The following PCDHGB1 variants were observed in gnomAD, a reference collection of about 807,000 sequenced individuals.
PCDHGB1 encodes protocadherin gamma-B1.
Under a neutral mutation model 56.6 loss-of-function variants are expected in PCDHGB1, and 34 were observed. That is an observed-to-expected ratio of 0.60 (90% CI 0.46 to 0.80). PCDHGB1 has a LOEUF of 0.80. Among genes scored for constraint, PCDHGB1 ranks in the 30% least tolerant of loss-of-function variants. PCDHGB1 has a pLI of 0.00. For missense variants in PCDHGB1, 1,278 were observed against 1,204.6 expected (o/e 1.06, Z -0.90); for synonymous variants, 561 against 505.9 (o/e 1.11, Z -1.46).
At chr5:141,415,288 T>C in intron 1 of PCDHGB1, 6 of 1,614,202 alleles carry the variant, frequency 3.7e-6, no homozygotes, top group Non-Finnish European at 5.1e-6. Flanking sequence ...GGCCGCGGTC[T>C]CCTGCGTCTT....
intron 1 of PCDHGB1, among the ~76,000 whole-genome samples, chr5:141,458,298 A>G (rs2098942125): frequency 6.6e-6 from 1 of 152,178 alleles, no homozygotes; most frequent in African/African-American, 2.4e-5. Context: ...ATGCTGGTTT[A>G]GATAAAATGA....
chr5:141,407,089 TTTTA>T (rs2094885755), intron 1 of PCDHGB1, among the ~76,000 whole-genome samples: 2 of 152,196 alleles, frequency 1.3e-5, no homozygotes, highest in South Asian at 4.1e-4. Flanking sequence ...TGAAGAATTG[TTTTA>T]TTTGTTTGTA....
Position 141,350,958 on chromosome 5 carries a change from A to C in PCDHGB1, c.698A>C (p.Asn233Thr), listed in dbSNP as rs777439869. The C allele has an allele frequency of 6.2e-7, 1 of 1,614,096 alleles. No homozygotes were observed. Among genetic ancestry groups the C allele is most frequent in the Non-Finnish European group, 8.5e-7 (1 of 1,179,906 alleles). The change falls in exon 1 of 4, where the codon AAT (asparagine) becomes ACT (threonine). Residue 233 changes from asparagine (N) to threonine (T), a missense_variant. By Grantham distance (65) the Asn-to-Thr change is moderately conservative. Transcript: ENST00000523390. ...THIWIRVTDA[N>T]DNAPVFSQEV... ...ATCTGGATCCGAGTTACGGATGCCA[A>C]TGATAATGCTCCCGTGTTTAGCCAG...
chr5:141,357,514 C>T (rs563793307), intron 1 of PCDHGB1: 19 of 1,614,136 alleles, frequency 1.2e-5, no homozygotes, highest in Non-Finnish European at 1.6e-5. Flanking sequence ...GATCTTCTCC[C>T]AACCCAGCTA....
chr5:141,352,707 C>A, intron 1 of PCDHGB1, 38 bp downstream of exon 1: 1 of 1,542,998 alleles, frequency 6.5e-7, no homozygotes, highest in Non-Finnish European at 8.7e-7. Flanking sequence ...TTATATATGG[C>A]GGCCGGGCGC....
Position 141,387,312 on chromosome 5 carries a change from G to A in PCDHGB1, c.2409+34643G>A, listed in dbSNP as rs576543135. Reference sequence around the variant, plus strand: ...AAAATGTATCCAGTATATTTCTAATGAGTAAGTATGGAAAATTACTGTACT... The same window carrying A: ...AAAATGTATCCAGTATATTTCTAATAAGTAAGTATGGAAAATTACTGTACT... On this transcript the variant is annotated intron_variant, in intron 1 of 3. Transcript: ENST00000523390. Among the ~76,000 whole-genome samples, 3 of 152,338 alleles carry A rather than the reference G, an allele frequency of 2.0e-5. No homozygotes were observed. The East Asian group carries it at 5.8e-4, about 29-fold the overall frequency.
At chr5:141,365,414 C>G (rs568315403) in intron 1 of PCDHGB1, 2 of 1,613,988 alleles carry the variant, frequency 1.2e-6, no homozygotes, top group East Asian at 2.2e-5. Flanking sequence ...AGACTGTCTT[C>G]CCGGAACTGT....
intron 1 of PCDHGB1, among the ~76,000 whole-genome samples, chr5:141,424,923 T>C (rs1428936860): frequency 6.6e-6 from 1 of 152,186 alleles, no homozygotes; most frequent in African/African-American, 2.4e-5. Flanking sequence ...CCATAATCAA[T>C]TCAGTCAACA....
chr5:141,432,940 T>C lies in PCDHGB1; in HGVS notation c.2410-61867T>C, dbSNP rs142546730. On this transcript the variant is annotated intron_variant, in intron 1 of 3. Transcript: ENST00000523390. This position sits in a 1 kb window ranked among gnomAD's most constrained non-coding sequence, Gnocchi z 6.0. ...GGCACAAGTCACGCCTGCTGCAGGC[T>C]TCAGGAGGCGGCTTGACAGGAGCGC... 6 of 1,614,208 alleles carry C rather than the reference T, an allele frequency of 3.7e-6. No individual in the cohort carries two copies. The highest frequency in any genetic ancestry group is 4.2e-6 in the Non-Finnish European group (5 of 1,180,040).
chr5:141,415,761 T>TG (rs1485369884), intron 1 of PCDHGB1: 1 of 1,399,490 alleles, frequency 7.1e-7, no homozygotes, highest in Non-Finnish European at 9.3e-7. Flanking sequence ...TTTTTTTTTT[T>TG]TTTTTTTTTT....
In PCDHGB1 at chr5:141,418,416, C is replaced by G. The variant is rs377542164; in HGVS notation, c.2409+65747C>G. The G allele has an allele frequency of 2.9e-5, 46 of 1,613,866 alleles. No homozygotes were observed. Among genetic ancestry groups the G allele is most frequent in the Non-Finnish European group, 3.4e-5 (40 of 1,179,880 alleles). ...TTCTCATTGGTGGAGAAAGACAATC[C>G]TGATGGTGGCAAATATCCAGAATTA... On this transcript the variant is annotated intron_variant, in intron 1 of 3. Transcript: ENST00000523390.
chr5:141,388,875 G>T lies in PCDHGB1; in HGVS notation c.2409+36206G>T, dbSNP rs201053346. ...TGGAGGAATGATTGCGCAATGCACAGTGGAGGTAGAAGTCATAGATGAAAA... is the reference window on the plus strand; with the variant it reads ...TGGAGGAATGATTGCGCAATGCACATTGGAGGTAGAAGTCATAGATGAAAA... On this transcript the variant is annotated intron_variant, in intron 1 of 3. Coordinates refer to ENST00000523390, the MANE Select transcript of PCDHGB1 (RefSeq NM_018922.3). 1.4e-4 allele frequency: 224 copies of T among 1,614,024 alleles called. No homozygotes were observed. The highest frequency in any genetic ancestry group is 1.8e-4 in the Non-Finnish European group (214 of 1,179,874).
intron 1 of PCDHGB1, among the ~76,000 whole-genome samples, chr5:141,382,119 C>T (rs919282723): frequency 2.0e-5 from 3 of 152,112 alleles, no homozygotes; most frequent in Non-Finnish European, 4.4e-5. Flanking sequence ...TGAGCAACAG[C>T]ACCTGGCCCC....
intron 1 of PCDHGB1, among the ~76,000 whole-genome samples, chr5:141,433,559 G>A (rs2154555800): frequency 6.6e-6 from 1 of 152,212 alleles, no homozygotes; most frequent in Non-Finnish European, 1.5e-5. Context: ...TTTCTGGCTG[G>A]GCGCGGTGGC....
chr5:141,389,058 A>G, intron 1 of PCDHGB1: 2 of 1,614,020 alleles, frequency 1.2e-6, no homozygotes, highest in Non-Finnish European at 1.7e-6. Flanking sequence ...TCCATTTAAA[A>G]TATTAACTTC....
intron 1 of PCDHGB1, chr5:141,365,361 C>CGT: frequency 6.2e-7 from 1 of 1,613,832 alleles, no homozygotes; most frequent in African/African-American, 1.3e-5. Flanking sequence ...AATGACAATG[C>CGT]CCCCGAAGTG....
At chr5:141,402,580 T>C (rs1217508250) in intron 1 of PCDHGB1, among the ~76,000 whole-genome samples, 3 of 152,226 alleles carry the variant, frequency 2.0e-5, no homozygotes, top group South Asian at 4.1e-4. Context: ...CTCAGATATC[T>C]AAAAAATAGA....
chr5:141,397,972 G>A lies in PCDHGB1; in HGVS notation c.2409+45303G>A. 2.6e-6 allele frequency: 3 copies of A among 1,155,562 alleles called. No homozygotes were observed. In the South Asian group the frequency reaches 4.9e-5, roughly 19 times the overall value. The allele number at this position is 1,155,562 out of a possible 1,614,324, so 71.6% of individuals were successfully genotyped here. A position where few individuals can be genotyped will look rare whatever the true frequency, so the allele number is the denominator to read the frequency against. On this transcript the variant is annotated intron_variant, in intron 1 of 3. Transcript: ENST00000523390. ...GCAGCCCCAGCTCAGACTCCCCAGC[G>A]CCGGCCTTTACACCGCTTCCTCCTC...
At chr5:141,433,767 G>A (rs1237334342) in intron 1 of PCDHGB1, among the ~76,000 whole-genome samples, 1 of 151,532 alleles carries the variant, frequency 6.6e-6, no homozygotes, top group East Asian at 1.9e-4. Flanking sequence ...AACCTGGGAG[G>A]TGGAGGTTGC....
Sources: gnomAD v4.1 joint callset for allele counts (sites outside exome capture counted in the v4.1 genomes callset) on GRCh38, gnomAD v4.1.1 for gene constraint, Gnocchi (gnomAD v3.1) non-coding constraint, MANE v1.5 for transcripts, NCBI Gene and HGNC (gene_info 2026-07-23, HGNC 2026-07-21) for gene names.